Variants in SSH2 observed in about 807,000 individuals in gnomAD.
SSH2 encodes the protein slingshot protein phosphatase 2, also known as protein phosphatase Slingshot homolog 2.
Under a neutral mutation model 135.2 loss-of-function variants are expected in SSH2, and 37 were observed. The observed-to-expected ratio is 0.27, with a 90% CI of 0.21 to 0.36. SSH2 has a LOEUF of 0.36. Among genes scored for constraint, SSH2 ranks in the 10% least tolerant of loss-of-function variants. The pLI, the probability that SSH2 is intolerant of heterozygous loss-of-function variation, is 1.00. For synonymous variants in SSH2, 628 were observed against 646.2 expected, an observed-to-expected ratio of 0.97 and a Z score of 0.43; for missense variants, 1,408 against 1,765.3, an observed-to-expected ratio of 0.80 and a Z score of 3.63.
chr17:29,850,108 A>G (rs1213269560), intron 1 of SSH2, among the ~76,000 whole-genome samples: 1 of 151,590 alleles, frequency 6.6e-6, no homozygotes, highest in Non-Finnish European at 1.5e-5. Context: ...ACAATTTAAA[A>G]CCTTTTCTTC....
intron 1 of SSH2, among the ~76,000 whole-genome samples, chr17:29,911,162 T>C (rs1384623751): frequency 6.6e-6 from 1 of 152,226 alleles, no homozygotes; most frequent in Non-Finnish European, 1.5e-5. Flanking sequence ...AAGCTGAATA[T>C]GCGCTGGGTA....
chr17:29,823,762 C>G (rs759017514), intron 2 of SSH2, among the ~76,000 whole-genome samples: 2 of 151,534 alleles, frequency 1.3e-5, no homozygotes, highest in Non-Finnish European at 2.9e-5. Flanking sequence ...TCCTGTAATC[C>G]CAGCTACTCG....
intron 3 of SSH2, among the ~76,000 whole-genome samples, chr17:29,730,237 G>A (rs541114353): frequency 6.6e-6 from 1 of 151,072 alleles, no homozygotes; most frequent in East Asian, 1.9e-4. Context: ...CGGGAGGACT[G>A]CTTGAACCCA....
At chr17:29,794,603 G>C (rs2042126143) in intron 2 of SSH2, among the ~76,000 whole-genome samples, 1 of 152,130 alleles carries the variant, frequency 6.6e-6, no homozygotes, top group South Asian at 2.1e-4. Context: ...GCCAAACAAT[G>C]ATGACAACAA....
intron 12 of SSH2, 133 bp downstream of exon 12, chr17:29,655,428 A>G (rs1031254424): frequency 8.1e-6 from 7 of 867,730 alleles, no homozygotes; most frequent in African/African-American, 6.7e-5. Flanking sequence ...TTCTTAGATT[A>G]CATCTGATTA....
rs1378412755 is a variant in SSH2, at chr17:29,771,195, T to A, written c.188+22699A>T. 2.6e-5 allele frequency among the ~76,000 whole-genome samples: 4 copies of A among 152,328 alleles called. No individual in the cohort carries two copies. The East Asian group carries it at 7.7e-4, about 29-fold the overall frequency. On this transcript the variant is annotated intron_variant, in intron 3 of 15. Coordinates refer to ENST00000540801, the MANE Select transcript of SSH2 (RefSeq NM_001282129.2). Reference sequence around the variant, plus strand: ...CAAAGTCTTATTTTCTGTCCTCTATTTTGTGGCACATAATGCATATTTATA... The same window carrying A: ...CAAAGTCTTATTTTCTGTCCTCTATATTGTGGCACATAATGCATATTTATA...
intron 2 of SSH2, among the ~76,000 whole-genome samples, chr17:29,823,248 CAT>C (rs1420599943): frequency 1.3e-5 from 2 of 152,164 alleles, no homozygotes; most frequent in Non-Finnish European, 1.5e-5. Flanking sequence ...TTTTTAAAAA[CAT>C]ATGAGGCATT....
At chr17:29,781,477 T>C (rs1041785141) in intron 3 of SSH2, among the ~76,000 whole-genome samples, 12 of 138,190 alleles carry the variant, frequency 8.7e-5, no homozygotes, top group Admixed American at 3.6e-4. Flanking sequence ...TGTTTTCTTT[T>C]TTTTTTTTTT....
intron 5 of SSH2, among the ~76,000 whole-genome samples, chr17:29,691,076 C>T (rs894578238): frequency 6.6e-6 from 1 of 151,698 alleles, no homozygotes; most frequent in African/African-American, 2.4e-5. Context: ...TTTATTTATA[C>T]CTTTTTGCAT....
At chr17:29,907,175 G>C (rs1427789349) in intron 1 of SSH2, among the ~76,000 whole-genome samples, 1 of 152,186 alleles carries the variant, frequency 6.6e-6, no homozygotes, top group Non-Finnish European at 1.5e-5. Context: ...GGAATACTAT[G>C]CAGTCATAAA....
intron 1 of SSH2, among the ~76,000 whole-genome samples, chr17:29,897,747 G>T (rs1196326580): frequency 2.0e-5 from 3 of 152,076 alleles, no homozygotes; most frequent in Non-Finnish European, 4.4e-5. Context: ...AGGATATCCA[G>T]GAATTGAACT....
At chr17:29,777,282 A>G (rs1418251050) in intron 3 of SSH2, among the ~76,000 whole-genome samples, 2 of 152,136 alleles carry the variant, frequency 1.3e-5, no homozygotes, top group East Asian at 3.8e-4. Context: ...TAAATCTTAT[A>G]CCTTACAGCA....
chr17:29,824,200 A>T (rs1434988216), intron 2 of SSH2, among the ~76,000 whole-genome samples: 3 of 152,198 alleles, frequency 2.0e-5, no homozygotes, highest in Non-Finnish European at 4.4e-5. Context: ...AAACTACCTG[A>T]ACATGCCTTA....
intron 4 of SSH2, among the ~76,000 whole-genome samples, chr17:29,700,307 A>T (rs980934402): frequency 6.6e-6 from 1 of 151,786 alleles, no homozygotes; most frequent in African/African-American, 2.4e-5. Context: ...GCTGACTTTT[A>T]TTTTTTTTCC....
chr17:29,772,687 A>G (rs934053497), intron 3 of SSH2, among the ~76,000 whole-genome samples: 2 of 152,074 alleles, frequency 1.3e-5, no homozygotes, highest in East Asian at 3.9e-4. Context: ...CTACAGGCCG[A>G]GATAGAACAT....
At chr17:29,779,842 A>G (rs1191641417) in intron 3 of SSH2, among the ~76,000 whole-genome samples, 4 of 141,734 alleles carry the variant, frequency 2.8e-5, no homozygotes, top group Admixed American at 2.8e-4. Context: ...AAAAAAAAAG[A>G]TGAACAGCTT....
intron 1 of SSH2, among the ~76,000 whole-genome samples, chr17:29,864,406 G>C (rs2065818634): frequency 1.3e-5 from 2 of 151,754 alleles, no homozygotes; most frequent in African/African-American, 4.8e-5. Flanking sequence ...TATAAATGAA[G>C]TCTAAGTGGT....
At position 29,636,275 on chromosome 17, in the gene SSH2, A is replaced by T; in HGVS notation, c.1955T>A (p.Met652Lys). 6.2e-7 allele frequency: 1 copy of T among 1,613,940 alleles called. No homozygotes were observed. Among genetic ancestry groups the T allele is most frequent in the Non-Finnish European group, 8.5e-7 (1 of 1,179,956 alleles). ...ELTSPLKDPP[M>K]SPDPESPSPQ... is the part of the protein sequence containing the mutation. ...GCTTGGTGACTCAGGATCAGGGGAC[A>T]TGGGGGGGTCTTTCAGTGGAGATGT... is the stretch of plus-strand genomic sequence containing the variant. Residue 652 changes from methionine (M) to lysine (K), a missense_variant, in exon 15 of 16, where the codon ATG (methionine) becomes AAG (lysine). Met to Lys is a moderately conservative substitution (Grantham distance 95). This residue lies in a region of SSH2 where 1,080 missense variants were observed against 1,144.5 expected (regional missense o/e 0.94). Transcript: ENST00000540801.
intron 2 of SSH2, among the ~76,000 whole-genome samples, chr17:29,837,407 A>G (rs1308501801): frequency 6.6e-6 from 1 of 152,226 alleles, no homozygotes; most frequent in Non-Finnish European, 1.5e-5. Context: ...CACCCCAGTA[A>G]TATCCAATTT....
Sources: gnomAD v4.1 joint callset for allele counts (sites outside exome capture counted in the v4.1 genomes callset) on GRCh38, gnomAD v4.1.1 for gene constraint, gnomAD v4.1.1 regional missense constraint, MANE v1.5 for transcripts, NCBI Gene and HGNC (gene_info 2026-07-23, HGNC 2026-07-21) for gene names.